The following AKAP19 variants were observed in gnomAD, a reference collection of about 807,000 sequenced individuals.
AKAP19 encodes small A-kinase anchoring protein.
At chr2:189,973,377 T>A in the AKAP19 span, among the ~76,000 whole-genome samples, 2 of 152,214 alleles carry the variant, frequency 1.3e-5, no homozygotes, top group Admixed American at 1.3e-4. Flanking sequence ...GCTGCTGGAT[T>A]CGGTTTGCCA....
At chr2:190,090,956 C>A in the AKAP19 span, 1 of 152,144 alleles carries the variant, frequency 6.6e-6, no homozygotes, top group South Asian at 2.1e-4. Context: ...TAGCACAATA[C>A]CTGGCACATA....
the AKAP19 span, among the ~76,000 whole-genome samples, chr2:190,118,556 G>A: frequency 6.6e-6 from 1 of 152,132 alleles, no homozygotes; most frequent in African/African-American, 2.4e-5. Context: ...TGCAAGGCTG[G>A]TTCAACATAT....
the AKAP19 span, among the ~76,000 whole-genome samples, chr2:190,086,716 A>C: frequency 3.3e-5 from 5 of 152,166 alleles, no homozygotes; most frequent in African/African-American, 1.2e-4. Flanking sequence ...TGTAAATTTT[A>C]CCATGGATAT....
chr2:189,972,879 G>T, the AKAP19 span, among the ~76,000 whole-genome samples: 3 of 152,140 alleles, frequency 2.0e-5, no homozygotes, highest in Non-Finnish European at 4.4e-5. Flanking sequence ...AAGGAGATTT[G>T]GGGCTGAGAT....
chr2:190,037,965 C>T, the AKAP19 span, among the ~76,000 whole-genome samples: 1 of 152,148 alleles, frequency 6.6e-6, no homozygotes, highest in Non-Finnish European at 1.5e-5. Context: ...TGTAAAGTGT[C>T]CCTCCACCCC....
At chr2:190,164,463 G>A in the AKAP19 span, among the ~76,000 whole-genome samples, 4 of 152,176 alleles carry the variant, frequency 2.6e-5, no homozygotes, top group African/African-American at 7.2e-5. Context: ...CCGTGGGGTG[G>A]AGGTTGCAGT....
chr2:190,099,223 T>C, the AKAP19 span, among the ~76,000 whole-genome samples: 1 of 152,262 alleles, frequency 6.6e-6, no homozygotes, highest in Non-Finnish European at 1.5e-5. Context: ...GCTTTTGACA[T>C]ACCTTCCTCA....
chr2:189,898,024 A>G, the AKAP19 span, among the ~76,000 whole-genome samples: 2 of 152,036 alleles, frequency 1.3e-5, no homozygotes, highest in African/African-American at 4.8e-5. Context: ...CCAGGGCAAC[A>G]TTGTGAAAAC....
chr2:189,930,886 T>C, the AKAP19 span: 3 of 720,450 alleles, frequency 4.2e-6, no homozygotes, highest in Non-Finnish European at 7.6e-6. Flanking sequence ...AGCTGGAACC[T>C]GTTCCTGATA....
At chr2:190,192,031 C>CT in the AKAP19 span, among the ~76,000 whole-genome samples, 1 of 151,506 alleles carries the variant, frequency 6.6e-6, no homozygotes, top group South Asian at 2.1e-4. Flanking sequence ...TCTAAGAACT[C>CT]TTTTCCTAAC....
At chr2:190,138,584 T>C in the AKAP19 span, among the ~76,000 whole-genome samples, 4 of 152,218 alleles carry the variant, frequency 2.6e-5, no homozygotes, top group Admixed American at 1.3e-4. Flanking sequence ...TTGCTCATTT[T>C]CTTACAGCTG....
chr2:189,982,421 A>G, the AKAP19 span, among the ~76,000 whole-genome samples: 2 of 152,014 alleles, frequency 1.3e-5, no homozygotes, highest in Non-Finnish European at 2.9e-5. Context: ...GTTGGTTTGT[A>G]TTGGATTTAA....
chr2:189,980,549 G>A, the AKAP19 span, among the ~76,000 whole-genome samples: 1 of 152,090 alleles, frequency 6.6e-6, no homozygotes, highest in Admixed American at 6.6e-5. Context: ...TGGCCAGGCT[G>A]GTCTTGAACT....
chr2:190,068,070 C>T, the AKAP19 span, among the ~76,000 whole-genome samples: 36 of 151,968 alleles, frequency 2.4e-4, no homozygotes, highest in South Asian at 4.2e-4. Flanking sequence ...GGTGCGGTGG[C>T]GTGAGACAGA....
At chr2:189,920,737 A>G in the AKAP19 span, among the ~76,000 whole-genome samples, 51 of 152,326 alleles carry the variant, frequency 3.3e-4, no homozygotes, top group African/African-American at 1.1e-3. Context: ...AATTTCTAGC[A>G]TACTACAGGA....
chr2:190,097,877 A>AAAAAG, the AKAP19 span, among the ~76,000 whole-genome samples: 5 of 147,700 alleles, frequency 3.4e-5, no homozygotes, highest in African/African-American at 5.2e-5. Flanking sequence ...AAAAAAAAAA[A>AAAAAG]AAAAGAAAAG....
At chr2:189,952,731 C>T in the AKAP19 span, among the ~76,000 whole-genome samples, 16 of 152,150 alleles carry the variant, frequency 1.1e-4, no homozygotes, top group Admixed American at 5.9e-4. Context: ...TTACATGTGA[C>T]GTATCCTTTT....
the AKAP19 span, among the ~76,000 whole-genome samples, chr2:190,003,852 G>A: frequency 6.6e-6 from 1 of 151,766 alleles, no homozygotes; most frequent in Non-Finnish European, 1.5e-5. Context: ...GGGCGACAGA[G>A]TGAGACTCTG....
chr2:189,894,658 G>A, the AKAP19 span, among the ~76,000 whole-genome samples: 1 of 150,682 alleles, frequency 6.6e-6, no homozygotes, highest in South Asian at 2.1e-4. Context: ...TTATTATATA[G>A]TATTGTTATT....
Sources: allele counts gnomAD v4.1 joint callset (sites outside exome capture counted in the v4.1 genomes callset), GRCh38; gene constraint gnomAD v4.1.1; transcripts MANE v1.5; gene names NCBI Gene and HGNC (gene_info 2026-07-23, HGNC 2026-07-21).